NELL2: variants seen among roughly 807,000 people sequenced by gnomAD.
NELL2 encodes protein kinase C-binding protein NELL2.
A neutral mutation model predicts 109.6 loss-of-function variants in NELL2; 41 were observed. The observed-to-expected ratio is 0.37, with a 90% CI of 0.29 to 0.49. The LOEUF (loss-of-function observed/expected upper bound fraction) is 0.49, where lower values mean the gene tolerates loss of function less well. NELL2 is among the 20% of genes least tolerant of loss of function. The pLI is 0.98. For missense variants in NELL2, 900 were observed against 1,008.3 expected (o/e 0.89, Z 1.45); for synonymous variants, 355 against 344.7 (o/e 1.03, Z -0.33).
intron 13 of NELL2, among the ~76,000 whole-genome samples, chr12:44,632,050 T>C (rs1946475771): frequency 6.6e-6 from 1 of 152,132 alleles, no homozygotes; most frequent in African/African-American, 2.4e-5. Flanking sequence ...ATTGACCATA[T>C]TAATAATCTG....
chr12:44,882,320 C>T (rs1191138127), intron 1 of NELL2, among the ~76,000 whole-genome samples: 1 of 151,284 alleles, frequency 6.6e-6, no homozygotes, highest in Non-Finnish European at 1.5e-5. Flanking sequence ...TAAAACAACA[C>T]AGATTCATAT....
chr12:44,524,646 G>A (rs184719704), intron 16 of NELL2, among the ~76,000 whole-genome samples: 15 of 152,238 alleles, frequency 9.9e-5, no homozygotes, highest in Admixed American at 7.9e-4. Flanking sequence ...TGCCATATAT[G>A]TATTCCTGAA....
intron 15 of NELL2, among the ~76,000 whole-genome samples, chr12:44,555,353 C>G (rs1943208672): frequency 6.6e-6 from 1 of 152,130 alleles, no homozygotes; most frequent in Non-Finnish European, 1.5e-5. Context: ...GTGTGGCTTA[C>G]CATCTCCAGC....
intron 12 of NELL2, among the ~76,000 whole-genome samples, chr12:44,671,323 G>A (rs996607218): frequency 6.6e-6 from 1 of 152,110 alleles, no homozygotes; most frequent in African/African-American, 2.4e-5. Flanking sequence ...AGTAATAAAT[G>A]CCTACATCAA....
At chr12:44,612,912 C>A (rs1945675628) in intron 13 of NELL2, among the ~76,000 whole-genome samples, 1 of 151,950 alleles carries the variant, frequency 6.6e-6, no homozygotes, top group Non-Finnish European at 1.5e-5. Context: ...TCAATAAACG[C>A]TAAATAATTA....
chr12:44,591,052 A>G (rs1162435353), intron 15 of NELL2, among the ~76,000 whole-genome samples: 1 of 152,206 alleles, frequency 6.6e-6, no homozygotes, highest in Non-Finnish European at 1.5e-5. Flanking sequence ...CATCAGGGAA[A>G]TGCAAACCAA....
chr12:44,542,035 G>T (rs1942595922), intron 15 of NELL2, among the ~76,000 whole-genome samples: 1 of 152,118 alleles, frequency 6.6e-6, no homozygotes, highest in African/African-American at 2.4e-5. Context: ...ATACACAATT[G>T]TCAAATTTCA....
intron 13 of NELL2, among the ~76,000 whole-genome samples, chr12:44,649,020 C>G (rs1213783818): frequency 6.6e-6 from 1 of 151,280 alleles, no homozygotes; most frequent in Non-Finnish European, 1.5e-5. Context: ...CCCACCTTGG[C>G]CTCCCAAAGT....
At chr12:44,766,951 T>A (rs1334900132) in intron 9 of NELL2, among the ~76,000 whole-genome samples, 1 of 152,190 alleles carries the variant, frequency 6.6e-6, no homozygotes, top group Non-Finnish European at 1.5e-5. Flanking sequence ...TTCAAGGATT[T>A]TAATAATGAA....
chr12:44,667,380 ACT>A (rs1947958320), intron 12 of NELL2, among the ~76,000 whole-genome samples: 1 of 152,126 alleles, frequency 6.6e-6, no homozygotes, highest in Non-Finnish European at 1.5e-5. Context: ...GAAAATAAAA[ACT>A]CTGTAAAGGG....
chr12:44,797,209 T>C (rs1469871324), intron 3 of NELL2, among the ~76,000 whole-genome samples: 1 of 152,058 alleles, frequency 6.6e-6, no homozygotes, highest in Non-Finnish European at 1.5e-5. Flanking sequence ...TCAACTCAGT[T>C]GTGACTGAAA....
intron 16 of NELL2, 70 bp from the exon 17 acceptor site, chr12:44,523,554 C>T (rs1719605420): frequency 6.0e-6 from 8 of 1,333,528 alleles, no homozygotes; most frequent in African/African-American, 1.4e-5. Flanking sequence ...GCAATCAGGC[C>T]AGTTGTCTCC....
chr12:44,578,334 A>T (rs1483344121), intron 15 of NELL2, among the ~76,000 whole-genome samples: 1 of 152,142 alleles, frequency 6.6e-6, no homozygotes, highest in Admixed American at 6.5e-5. Context: ...AGAAACAAAA[A>T]ACCCCTCATC....
rs140374559 is a variant in NELL2, at chr12:44,736,841, G to A, written c.995-22100C>T. ...GAAGTTAAAAGACAAATTATACATCGTGTAATACTGCCTTCAAACCTATAT... is the reference window on the plus strand; with the variant it reads ...GAAGTTAAAAGACAAATTATACATCATGTAATACTGCCTTCAAACCTATAT... On this transcript the variant is annotated intron_variant, in intron 9 of 19. Coordinates refer to ENST00000429094, the MANE Select transcript of NELL2 (RefSeq NM_001145108.2). Among the ~76,000 whole-genome samples the A allele has an allele frequency of 5.9e-4, 89 of 152,008 alleles. 1 individual carries two copies. Among genetic ancestry groups the A allele is most frequent in the African/African-American group, 1.8e-3 (74 of 41,498 alleles).
At chr12:44,919,824 G>A (rs1177059236) in intron 1 of NELL2, among the ~76,000 whole-genome samples, 1 of 152,160 alleles carries the variant, frequency 6.6e-6, no homozygotes, top group African/African-American at 2.4e-5. Context: ...TTCAGTTTGT[G>A]CTGCTTTGCC....
intron 13 of NELL2, among the ~76,000 whole-genome samples, chr12:44,619,073 A>C (rs1045336148): frequency 6.6e-6 from 1 of 152,192 alleles, no homozygotes; most frequent in Non-Finnish European, 1.5e-5. Flanking sequence ...CAAAGAGATG[A>C]GGACTGACTG....
At chr12:44,886,138 A>G (rs1945470784) in intron 1 of NELL2, among the ~76,000 whole-genome samples, 1 of 148,766 alleles carries the variant, frequency 6.7e-6, no homozygotes, top group South Asian at 2.1e-4. Context: ...GAAGGAAGGA[A>G]GGAAGGAAGA....
upstream of NELL2, among the ~76,000 whole-genome samples, chr12:44,916,069 T>C (rs1010390241): frequency 1.3e-5 from 2 of 152,244 alleles, no homozygotes; most frequent in Non-Finnish European, 2.9e-5. Context: ...ATCTGCATTA[T>C]ATATTTCAAG....
chr12:44,831,990 T>C (rs573224324), intron 2 of NELL2, among the ~76,000 whole-genome samples: 2 of 152,238 alleles, frequency 1.3e-5, no homozygotes, highest in Non-Finnish European at 2.9e-5. Context: ...CGTTCAAATG[T>C]TCCCCGTGGG....
Sources: gnomAD v4.1 joint callset for allele counts (sites outside exome capture counted in the v4.1 genomes callset) on GRCh38, gnomAD v4.1.1 for gene constraint, MANE v1.5 for transcripts, NCBI Gene and HGNC (gene_info 2026-07-23, HGNC 2026-07-21) for gene names.